Variants in AGMAT observed in about 807,000 individuals in gnomAD.
AGMAT encodes the protein agmatinase (putative).
A neutral mutation model predicts 29.3 loss-of-function variants in AGMAT; 37 were observed. That is an observed-to-expected ratio of 1.26 (90% CI 0.97 to 1.66). The LOEUF is 1.66. AGMAT is among the 40% of genes most tolerant of loss of function. AGMAT has a pLI of 0.00. For synonymous variants in AGMAT, 199 were observed against 200.8 expected, an observed-to-expected ratio of 0.99 and a Z score of 0.08; for missense variants, 498 against 497.8, an observed-to-expected ratio of 1.00 and a Z score of 0.00.
In AGMAT at chr1:15,574,800, C is replaced by T. The variant is rs1478363450; in HGVS notation, c.942G>A (p.Met314Ile). 2 of 1,614,022 alleles carry T rather than the reference C, an allele frequency of 1.2e-6. No homozygotes were observed. Among genetic ancestry groups the T allele is most frequent in the Admixed American group, 1.7e-5 (1 of 60,014 alleles). Residue 314 changes from methionine (M) to isoleucine (I), a missense_variant, in exon 6 of 7, where the codon ATG becomes ATA. Physicochemically the swap from Met to Ile is conservative, Grantham distance 10. Transcript: ENST00000375826. ...IIRGCQGLNV[M>I]GCDLVEVSPP... Reference sequence around the variant, plus strand: ...GTGAAACTTCGACAAGATCACAGCCCATCACGTTCAGGCCTTGACAACCCC... The same window carrying T: ...GTGAAACTTCGACAAGATCACAGCCTATCACGTTCAGGCCTTGACAACCCC...
intron 2 of AGMAT, among the ~76,000 whole-genome samples, chr1:15,582,509 G>T (rs146626917): frequency 6.6e-6 from 1 of 152,234 alleles, no homozygotes; most frequent in East Asian, 1.9e-4. Context: ...TGCAGGCTAG[G>T]CTCTCTAACT....
intron 1 of AGMAT, among the ~76,000 whole-genome samples, 167 bp downstream of exon 1, chr1:15,584,529 G>C (rs1639158265): frequency 6.6e-6 from 1 of 152,010 alleles, no homozygotes; most frequent in African/African-American, 2.4e-5. Context: ...CTTATTGAGG[G>C]TCCAGGTAAA....
At position 15,584,838 on chromosome 1, in the gene AGMAT, G is replaced by T. The variant is rs1157766408; in HGVS notation, c.130C>A (p.Pro44Thr). The T allele has an allele frequency of 1.4e-6, 2 of 1,432,560 alleles. No homozygotes were observed. Among genetic ancestry groups the T allele is most frequent in the Non-Finnish European group, 1.8e-6 (2 of 1,097,866 alleles). The allele number at this position is 1,432,560 out of a possible 1,614,324, so 88.7% of individuals were successfully genotyped here. The change falls in exon 1 of 7, where the codon CCC (proline) becomes ACC (threonine). Residue 44 changes from proline to threonine, a missense_variant. By Grantham distance (38) the Pro-to-Thr change is conservative (BLOSUM62 -1). Coordinates refer to ENST00000375826, the MANE Select transcript of AGMAT (RefSeq NM_024758.5). Reference sequence around the variant, plus strand: ...CGGGCCACGAACTCGGGGCTGGGGGGCTGGTTCCGGGGCGCGTCGGAAGCC... The same window carrying T: ...CGGGCCACGAACTCGGGGCTGGGGGTCTGGTTCCGGGGCGCGTCGGAAGCC... ...RQASDAPRNQ[P>T]PSPEFVARPV...
chr1:15,576,056 C>T (rs1391280895), intron 5 of AGMAT: 1 of 151,788 alleles, frequency 6.6e-6, no homozygotes, highest in Non-Finnish European at 1.5e-5. Context: ...GCGCCTGGCC[C>T]GTTGTATGCA....
chr1:15,579,193 T>C, intron 3 of AGMAT, 139 bp from the exon 4 acceptor site: 1 of 731,186 alleles, frequency 1.4e-6, no homozygotes, highest in Admixed American at 2.8e-5. Context: ...TTGCAACTGG[T>C]TCCTGTCTTC....
intron 4 of AGMAT, among the ~76,000 whole-genome samples, chr1:15,578,514 C>T (rs989805005): frequency 3.2e-4 from 49 of 152,016 alleles, no homozygotes; most frequent in Admixed American, 1.4e-3. Flanking sequence ...AGGCTGGTCT[C>T]GAACTCCTGA....
chr1:15,572,353 T>TC lies in AGMAT; in HGVS notation c.*1297_*1298insG, dbSNP rs1491200238. 2 of 29,202 alleles carry TC rather than the reference T, an allele frequency of 6.8e-5. No homozygotes were observed. The highest frequency in any genetic ancestry group is 1.3e-4 in the Non-Finnish European group (2 of 15,650). The allele number at this position is 29,202 out of a possible 1,614,324, so 1.8% of individuals were successfully genotyped here. On this transcript the variant is annotated 3_prime_UTR_variant, in exon 7 of 7. Transcript: ENST00000375826. Reference sequence around the variant, plus strand: ...GCGTGAGCCACTGGGTCCGGCCTGCTTTTTTTTTTTTTTTTTTTTTTTTGG... The same window carrying TC: ...GCGTGAGCCACTGGGTCCGGCCTGCTCTTTTTTTTTTTTTTTTTTTTTTTGG...
chr1:15,583,038 G>A (rs909243484), intron 2 of AGMAT, among the ~76,000 whole-genome samples, 155 bp downstream of exon 2: 1 of 152,004 alleles, frequency 6.6e-6, no homozygotes, highest in African/African-American at 2.4e-5. Context: ...CTCTCCCCAG[G>A]GATTAAAATA....
chr1:15,575,227 A>T (rs1639021693), intron 5 of AGMAT: 1 of 167,306 alleles, frequency 6.0e-6, no homozygotes, highest in African/African-American at 2.4e-5. Context: ...AGGCAAAGGC[A>T]CCAAGATGGG....
chr1:15,584,304 G>A (rs535675186), intron 1 of AGMAT, among the ~76,000 whole-genome samples: 2 of 108,842 alleles, frequency 1.8e-5, no homozygotes, highest in South Asian at 5.0e-4. Flanking sequence ...CACCATGCCC[G>A]GCTTTTTTTT....
In AGMAT at chr1:15,574,851, A is replaced by G. The variant is rs1639013275; in HGVS notation, c.901-10T>C. On this transcript the variant is annotated splice_polypyrimidine_tract_variant and intron_variant, in intron 5 of 6. Coordinates refer to ENST00000375826, the MANE Select transcript of AGMAT (RefSeq NM_024758.5). ...TGATGATCTCCAGAGCCTATTCAAG[A>G]TCAAGACTGAGTTGTCCACAGTGGT... 1 of 1,610,462 alleles carries G rather than the reference A, an allele frequency of 6.2e-7. No individual in the cohort carries two copies. Among genetic ancestry groups the G allele is most frequent in the African/African-American group, 1.3e-5 (1 of 74,828 alleles).
intron 1 of AGMAT, 103 bp from the exon 2 acceptor site, chr1:15,583,498 C>T (rs1208247317): frequency 1.1e-5 from 12 of 1,122,770 alleles, no homozygotes; most frequent in Non-Finnish European, 1.5e-5. Context: ...CAGATGATTC[C>T]GTGTCGCGGC....
At chr1:15,579,380 A>T (rs1639082730) in intron 3 of AGMAT, among the ~76,000 whole-genome samples, 1 of 152,148 alleles carries the variant, frequency 6.6e-6, no homozygotes, top group African/African-American at 2.4e-5. Flanking sequence ...AAACCAAGAC[A>T]CACCCTTTCT....
chr1:15,582,221 G>A (rs958165051), intron 2 of AGMAT, among the ~76,000 whole-genome samples: 4 of 151,610 alleles, frequency 2.6e-5, no homozygotes, highest in African/African-American at 9.7e-5. Context: ...AGCCGAGATC[G>A]TGCCATTGCA....
In AGMAT at chr1:15,583,248, T is replaced by A; in HGVS notation, c.420A>T (p.Arg140=). 1 of 1,614,144 alleles carries A rather than the reference T, an allele frequency of 6.2e-7. No individual in the cohort carries two copies. The highest frequency in any genetic ancestry group is 8.5e-7 in the Non-Finnish European group (1 of 1,180,026). The part of the protein sequence containing the change: ...NLYNLQDSCR[R]IQEAYEKIVA... ...CAATTTTCTCATAGGCCTCTTGAATTCGCCGGCAGCTGTCCTGAAGGTTGT... is the reference window on the plus strand; with the variant it reads ...CAATTTTCTCATAGGCCTCTTGAATACGCCGGCAGCTGTCCTGAAGGTTGT... Residue 140 remains arginine (R), a synonymous_variant, in exon 2 of 7, where the codon CGA becomes CGT. Coordinates refer to ENST00000375826, the MANE Select transcript of AGMAT (RefSeq NM_024758.5).
At chr1:15,576,737 G>GTTTTTTTTTTTTTTTT (rs1420717123) in intron 5 of AGMAT, among the ~76,000 whole-genome samples, 6 of 31,602 alleles carry the variant, frequency 1.9e-4, no homozygotes, top group Non-Finnish European at 2.6e-4. Flanking sequence ...CAAGTTTAGT[G>GTTTTTTTTTTTTTTTT]TTCTTTTTTT....
intron 4 of AGMAT, among the ~76,000 whole-genome samples, chr1:15,578,175 A>G (rs1639064917): frequency 2.0e-5 from 3 of 152,092 alleles, no homozygotes; most frequent in Admixed American, 1.3e-4. Flanking sequence ...AAAGCAAGGG[A>G]TTTGGGTCTG....
chr1:15,574,894 A>G, intron 5 of AGMAT, 53 bp from the exon 6 acceptor site: 1 of 1,443,534 alleles, frequency 6.9e-7, no homozygotes. Flanking sequence ...TACAGTGAAA[A>G]GCACCCAGTA....
In AGMAT at chr1:15,584,877, G is replaced by C. The variant is rs749883993; in HGVS notation, c.91C>G (p.Arg31Gly). The C allele has an allele frequency of 2.3e-5, 32 of 1,407,488 alleles. No homozygotes were observed. The East Asian group carries it at 7.4e-4, about 33-fold the overall frequency. 87.2% of individuals were successfully genotyped at this position (1,407,488 alleles called of 1,614,324 possible). Residue 31 changes from arginine (R) to glycine (G), a missense_variant, in exon 1 of 7, where the codon CGC becomes GGC. Coordinates refer to ENST00000375826, the MANE Select transcript of AGMAT (RefSeq NM_024758.5). ...GCGTCGGAAGCCTGGCGGCTCTGGCGGCGCCCCGGATGAAAGAGCCCTGCG... is the reference window on the plus strand; with the variant it reads ...GCGTCGGAAGCCTGGCGGCTCTGGCCGCGCCCCGGATGAAAGAGCCCTGCG... ...PAAGLFHPGR[R>G]QSRQASDAPR...
Sources: gnomAD v4.1 joint callset for allele counts (sites outside exome capture counted in the v4.1 genomes callset) on GRCh38, gnomAD v4.1.1 for gene constraint, MANE v1.5 for transcripts, NCBI Gene and HGNC (gene_info 2026-07-23, HGNC 2026-07-21) for gene names.